The following PROK2 variants were observed in gnomAD, a reference collection of about 807,000 sequenced individuals.
PROK2 encodes prokineticin 2.
A neutral mutation model predicts 14.2 loss-of-function variants in PROK2; 8 were observed. The ratio of observed to expected loss-of-function variants is 0.56; its 90% confidence interval spans 0.33 to 1.02. The LOEUF (loss-of-function observed/expected upper bound fraction) is 1.02, where lower values mean the gene tolerates loss of function less well. Ranked by LOEUF, PROK2 falls within the 50% of genes least tolerant of loss-of-function variation. PROK2 has a pLI of 0.03. For missense variants in PROK2, 154 were observed against 160.4 expected (o/e 0.96, Z 0.22); for synonymous variants, 59 against 60.7 (o/e 0.97, Z 0.13).
At chr3:71,784,592 T>C (rs1036692640) in intron 1 of PROK2, among the ~76,000 whole-genome samples, 1 of 152,194 alleles carries the variant, frequency 6.6e-6, no homozygotes, top group African/African-American at 2.4e-5. Flanking sequence ...GGTTCGAGGT[T>C]GGAGAGCCTC....
At position 71,776,363 on chromosome 3, in the gene PROK2, C is replaced by CTTTTTTTTTTTTTTTTTTTTTTTTTTT. The variant is rs2050118816; in HGVS notation, c.223-1857_223-1856insAAAAAAAAAAAAAAAAAAAAAAAAAAA. ...CTTTTCTTTTTTTCTTTTCGCTTTT[C>CTTTTTTTTTTTTTTTTTTTTTTTTTTT]ATTTTTTTTTTTTTTTTTTTTTTTT... On this transcript the variant is annotated intron_variant, in intron 2 of 3. Coordinates refer to ENST00000295619, the MANE Select transcript of PROK2 (RefSeq NM_001126128.2). Among the ~76,000 whole-genome samples, 7 of 92,070 alleles carry CTTTTTTTTTTTTTTTTTTTTTTTTTTT rather than the reference C, an allele frequency of 7.6e-5. 3 individuals carry two copies. Among genetic ancestry groups the CTTTTTTTTTTTTTTTTTTTTTTTTTTT allele is most frequent in the African/African-American group, 8.9e-5 (2 of 22,464 alleles). The allele number at this position is 92,070 out of a possible 152,430, so 60.4% of individuals were successfully genotyped here. A position where few individuals can be genotyped will look rare whatever the true frequency, so the allele number is the denominator to read the frequency against.
Position 71,783,820 on chromosome 3 carries a change from A to T in PROK2, c.96+1137T>A, listed in dbSNP as rs572371125. On this transcript the variant is annotated intron_variant, in intron 1 of 3. Coordinates refer to ENST00000295619, the MANE Select transcript of PROK2 (RefSeq NM_001126128.2). ...AATTTTTTGAAAAAATCTCTTTTCT[A>T]ATAAATATCACAGAGCTTACAGTTA... is the stretch of plus-strand genomic sequence containing the variant. Among the ~76,000 whole-genome samples the T allele has an allele frequency of 9.8e-5, 15 of 152,374 alleles. No homozygotes were observed. The East Asian group carries it at 2.5e-3, about 25-fold the overall frequency.
intron 2 of PROK2, among the ~76,000 whole-genome samples, chr3:71,780,581 C>G (rs1380124169): frequency 6.6e-6 from 1 of 152,214 alleles, no homozygotes; most frequent in African/African-American, 2.4e-5. Flanking sequence ...TGCAACGCCA[C>G]TGGAGGCACT....
chr3:71,772,501 C>T lies in PROK2; in HGVS notation c.*223G>A. On this transcript the variant is annotated 3_prime_UTR_variant, in exon 4 of 4. Transcript: ENST00000295619. ...CAAAACACAAACAGGGAAATAAGAA[C>T]CAGTTCCATAATGCCTTACACTTCA... 1 of 484,122 alleles carries T rather than the reference C, an allele frequency of 2.1e-6. No homozygotes were observed. The highest frequency in any genetic ancestry group is 3.6e-6 in the Non-Finnish European group (1 of 274,322). The allele number at this position is 484,122 out of a possible 1,614,324, so 30.0% of individuals were successfully genotyped here. A position where few individuals can be genotyped will look rare whatever the true frequency, so the allele number is the denominator to read the frequency against.
At chr3:71,775,986 C>G (rs185575148) in intron 2 of PROK2, among the ~76,000 whole-genome samples, 48 of 152,264 alleles carry the variant, frequency 3.2e-4, no homozygotes, top group African/African-American at 1.2e-3. Flanking sequence ...AAACGTAACT[C>G]ACACCACCAA....
intron 2 of PROK2, 133 bp downstream of exon 2, chr3:71,781,334 A>T: frequency 8.5e-7 from 1 of 1,169,860 alleles, no homozygotes; most frequent in Non-Finnish European, 1.3e-6. Flanking sequence ...GGGTAGTTTT[A>T]CACTGTTATC....
intron 3 of PROK2, 117 bp from the exon 4 acceptor site, chr3:71,772,945 C>T: frequency 2.5e-6 from 2 of 806,112 alleles, no homozygotes; most frequent in Admixed American, 2.1e-5. Flanking sequence ...GCGTTAACTA[C>T]CCATTAGGCA....
chr3:71,777,169 G>C (rs1213296428), intron 2 of PROK2, among the ~76,000 whole-genome samples: 1 of 152,196 alleles, frequency 6.6e-6, no homozygotes, highest in African/African-American at 2.4e-5. Flanking sequence ...CCAAAGTTGA[G>C]AAACCTGTAT....
rs2050082217 is a variant in PROK2, at chr3:71,771,874, A to G, written c.*850T>C. ...GATTAAAATAAATACTTCCTCTTCAAGTGACATTTTCTAGAATATCTCTAA... is the reference window on the plus strand; with the variant it reads ...GATTAAAATAAATACTTCCTCTTCAGGTGACATTTTCTAGAATATCTCTAA... On this transcript the variant is annotated 3_prime_UTR_variant, in exon 4 of 4. Coordinates refer to ENST00000295619, the MANE Select transcript of PROK2 (RefSeq NM_001126128.2). 1 of 152,638 alleles carries G rather than the reference A, an allele frequency of 6.6e-6. No homozygotes were observed. The highest frequency in any genetic ancestry group is 2.1e-4 in the South Asian group (1 of 4,838). 9.5% of individuals were successfully genotyped at this position (152,638 alleles called of 1,614,324 possible). A position where few individuals can be genotyped will look rare whatever the true frequency, so the allele number is the denominator to read the frequency against.
intron 2 of PROK2, among the ~76,000 whole-genome samples, chr3:71,774,967 C>T (rs2050107315): frequency 1.3e-5 from 2 of 152,150 alleles, no homozygotes; most frequent in Admixed American, 6.5e-5. Context: ...ACGATTGTGT[C>T]CCCAGGGGAC....
chr3:71,780,305 A>G lies in PROK2; in HGVS notation c.222+1162T>C, dbSNP rs150109870. ...TAGCTTGCAGAGTTAAACCTGGGCC[A>G]AGGGGCCACAATTTATTTCATTCTG... is the stretch of plus-strand genomic sequence containing the variant. On this transcript the variant is annotated intron_variant, in intron 2 of 3. Transcript: ENST00000295619. Among the ~76,000 whole-genome samples the G allele has an allele frequency of 3.0e-4, 45 of 152,386 alleles. 1 individual carries two copies. The highest frequency in any genetic ancestry group is 1.0e-3 in the African/African-American group (43 of 41,592).
At chr3:71,779,330 G>T (rs1302943011) in intron 2 of PROK2, among the ~76,000 whole-genome samples, 1 of 152,254 alleles carries the variant, frequency 6.6e-6, no homozygotes, top group Non-Finnish European at 1.5e-5. Context: ...AAAGAATGAA[G>T]TTGAGTGTCT....
rs2050084605 is a variant in PROK2 at position 71,772,210 on chromosome 3, A to T, written c.*514T>A. 6.2e-6 allele frequency: 1 copy of T among 160,416 alleles called. No individual in the cohort carries two copies. The highest frequency in any genetic ancestry group is 2.4e-5 in the African/African-American group (1 of 41,478). The allele number at this position is 160,416 out of a possible 1,614,324, so 9.9% of individuals were successfully genotyped here. ...TCAGTGATTCTGCCATCAAACTCAAAGAGACAAACCCTCCACTTTAAAATG... is the reference window on the plus strand; with the variant it reads ...TCAGTGATTCTGCCATCAAACTCAATGAGACAAACCCTCCACTTTAAAATG... On this transcript the variant is annotated 3_prime_UTR_variant, in exon 4 of 4. Transcript: ENST00000295619.
chr3:71,776,485 C>T (rs1230600171), intron 2 of PROK2, among the ~76,000 whole-genome samples: 2 of 149,542 alleles, frequency 1.3e-5, no homozygotes, highest in Non-Finnish European at 2.9e-5. Flanking sequence ...TCAAGTGATG[C>T]TCCCACCTCA....
chr3:71,784,169 T>C (rs2050192165), intron 1 of PROK2, among the ~76,000 whole-genome samples: 1 of 151,976 alleles, frequency 6.6e-6, no homozygotes, highest in African/African-American at 2.4e-5. Flanking sequence ...AGTATTGTAC[T>C]GCAAACCCAA....
intron 2 of PROK2, among the ~76,000 whole-genome samples, chr3:71,777,980 G>A (rs1468857034): frequency 1.3e-5 from 2 of 151,984 alleles, no homozygotes; most frequent in Non-Finnish European, 2.9e-5. Context: ...CAGATCACGA[G>A]GTCAGGAGAT....
intron 2 of PROK2, among the ~76,000 whole-genome samples, chr3:71,776,407 CTGT>C (rs1410567907): frequency 1.2e-5 from 1 of 82,818 alleles, no homozygotes; most frequent in African/African-American, 5.0e-5. Flanking sequence ...GAGTCTTGCT[CTGT>C]TGTTGTGCCC....
intron 2 of PROK2, among the ~76,000 whole-genome samples, chr3:71,778,592 T>C (rs1200665990): frequency 2.6e-5 from 4 of 152,144 alleles, no homozygotes; most frequent in African/African-American, 4.8e-5. Context: ...AAAAATTCTA[T>C]ATAGGGTCTA....
At position 71,772,749 on chromosome 3, in the gene PROK2, C is replaced by A. The variant is rs371819884; in HGVS notation, c.365G>T (p.Arg122Leu). The A allele has an allele frequency of 1.9e-6, 3 of 1,614,048 alleles. No individual in the cohort carries two copies. Among genetic ancestry groups the A allele is most frequent in the Non-Finnish European group, 2.5e-6 (3 of 1,179,938 alleles). Residue 122 changes from arginine to leucine, a missense_variant, in exon 4 of 4, where the codon CGA (arginine) becomes CTA (leucine). By Grantham distance (102) the Arg-to-Leu change is moderately radical. Transcript: ENST00000295619. Reference protein sequence around the residue: ...GLACLRTSFNRFICLAQK With the variant: ...GLACLRTSFNLFICLAQK ...TTACTTTTGGGCTAAACAAATAAAT[C>A]GGTTAAATGAAGTCCGTAAACAGGC...
Sources: allele counts gnomAD v4.1 joint callset (sites outside exome capture counted in the v4.1 genomes callset), GRCh38; gene constraint gnomAD v4.1.1; transcripts MANE v1.5; gene names NCBI Gene and HGNC (gene_info 2026-07-23, HGNC 2026-07-21).